TMEM135: variants seen among roughly 807,000 people sequenced by gnomAD.
The protein encoded by TMEM135 is peroxisomal membrane protein 52.
TMEM135 carries 30 observed loss-of-function variants against 60.3 expected under a neutral mutation model. That is an observed-to-expected ratio of 0.50 (90% CI 0.37 to 0.68). The LOEUF is 0.68. Ranked by LOEUF, TMEM135 falls within the 30% of genes least tolerant of loss-of-function variation. The pLI, the probability that TMEM135 is intolerant of heterozygous loss-of-function variation, is 0.00. For missense variants in TMEM135, 468 were observed against 548.8 expected (o/e 0.85, Z 1.47); for synonymous variants, 190 against 186.7 (o/e 1.02, Z -0.14).
At chr11:87,233,355 C>G (rs989884565) in intron 5 of TMEM135, among the ~76,000 whole-genome samples, 2 of 151,956 alleles carry the variant, frequency 1.3e-5, no homozygotes, top group Non-Finnish European at 2.9e-5. Context: ...AAGCAGGAAA[C>G]TATTATATGC....
At chr11:87,284,804 C>T in intron 6 of TMEM135, among the ~76,000 whole-genome samples, 1 of 152,268 alleles carries the variant, frequency 6.6e-6, no homozygotes, top group East Asian at 1.9e-4. Flanking sequence ...ATTTCAAGTT[C>T]AGATATTTGT....
intron 1 of TMEM135, among the ~76,000 whole-genome samples, chr11:87,057,122 G>A (rs1024511311): frequency 1.3e-4 from 20 of 152,092 alleles, no homozygotes; most frequent in African/African-American, 1.7e-4. Flanking sequence ...TATAATATAC[G>A]CAGGACTCAG....
At chr11:87,122,310 T>G (rs1196583925) in intron 4 of TMEM135, among the ~76,000 whole-genome samples, 4 of 40,494 alleles carry the variant, frequency 9.9e-5, no homozygotes, top group African/African-American at 4.3e-4. Flanking sequence ...TTTTGCTAGG[T>G]TTTTTTTTTT....
At chr11:87,134,539 A>G (rs1303269079) in intron 4 of TMEM135, among the ~76,000 whole-genome samples, 1 of 152,162 alleles carries the variant, frequency 6.6e-6, no homozygotes, top group Non-Finnish European at 1.5e-5. Context: ...CTGGAGTGCA[A>G]TAGCATTATC....
intron 6 of TMEM135, among the ~76,000 whole-genome samples, chr11:87,237,569 A>G (rs1941027305): frequency 6.6e-6 from 1 of 151,964 alleles, no homozygotes; most frequent in African/African-American, 2.4e-5. Flanking sequence ...AATTTTTAAA[A>G]AAATTTTTAT....
At chr11:87,237,195 G>A (rs1026341512) in intron 6 of TMEM135, among the ~76,000 whole-genome samples, 9 of 151,940 alleles carry the variant, frequency 5.9e-5, no homozygotes, top group Non-Finnish European at 7.4e-5. Context: ...GTTTGTTGGG[G>A]GCTAAGGGGA....
At chr11:87,282,245 G>A (rs1013695278) in intron 6 of TMEM135, among the ~76,000 whole-genome samples, 2 of 147,846 alleles carry the variant, frequency 1.4e-5, no homozygotes, top group African/African-American at 4.9e-5. Context: ...GTGAGCAACT[G>A]GACATTGGTT....
intron 4 of TMEM135, among the ~76,000 whole-genome samples, chr11:87,155,099 A>G (rs1334072930): frequency 6.6e-6 from 1 of 150,944 alleles, no homozygotes; most frequent in Non-Finnish European, 1.5e-5. Context: ...CCCAAGTTCA[A>G]GTTATTCTCC....
At chr11:87,101,974 G>A (rs1857468122) in intron 4 of TMEM135, among the ~76,000 whole-genome samples, 1 of 152,054 alleles carries the variant, frequency 6.6e-6, no homozygotes, top group East Asian at 1.9e-4. Flanking sequence ...ACTCCGTCTC[G>A]GGGAAAAAAA....
intron 1 of TMEM135, among the ~76,000 whole-genome samples, chr11:87,054,532 A>T (rs1343919127): frequency 6.6e-6 from 1 of 152,240 alleles, no homozygotes; most frequent in Non-Finnish European, 1.5e-5. Context: ...TAAATCAAGT[A>T]TCATCAGATT....
chr11:87,090,711 A>C (rs563472431), intron 3 of TMEM135, among the ~76,000 whole-genome samples: 2 of 152,202 alleles, frequency 1.3e-5, no homozygotes, highest in South Asian at 4.1e-4. Context: ...GGCAGAAAAA[A>C]GTTGTTATGT....
intron 5 of TMEM135, among the ~76,000 whole-genome samples, chr11:87,163,545 A>C (rs1938951423): frequency 6.6e-6 from 1 of 152,102 alleles, no homozygotes; most frequent in African/African-American, 2.4e-5. Flanking sequence ...TCCTTTGGGT[A>C]TGTACCCAGT....
At chr11:87,098,658 ATTAT>A (rs905942108) in intron 4 of TMEM135, among the ~76,000 whole-genome samples, 6 of 152,020 alleles carry the variant, frequency 3.9e-5, no homozygotes, top group African/African-American at 1.4e-4. Flanking sequence ...TTGGTTATAG[ATTAT>A]TTATATTGTA....
intron 10 of TMEM135, among the ~76,000 whole-genome samples, chr11:87,310,229 A>G (rs1242938215): frequency 6.6e-6 from 1 of 152,136 alleles, no homozygotes; most frequent in Non-Finnish European, 1.5e-5. Flanking sequence ...GTATGTTCCT[A>G]TAAAAGTGTC....
intron 6 of TMEM135, among the ~76,000 whole-genome samples, chr11:87,274,778 T>C (rs10792931): frequency 0.4 from 54,971 of 136,804 alleles, 10,789 homozygotes; most frequent in Non-Finnish European, 0.47. Context: ...CTGGGCAACA[T>C]AGCAAGACTG....
chr11:87,054,258 A>T (rs1044935792), intron 1 of TMEM135, among the ~76,000 whole-genome samples: 1 of 152,086 alleles, frequency 6.6e-6, no homozygotes, highest in Non-Finnish European at 1.5e-5. Context: ...AACATGGTGA[A>T]ACCCCATCTT....
At chr11:87,273,666 AAG>A (rs1315337660) in intron 6 of TMEM135, among the ~76,000 whole-genome samples, 5 of 152,188 alleles carry the variant, frequency 3.3e-5, no homozygotes, top group African/African-American at 1.2e-4. Context: ...ACCCAAGGGA[AAG>A]AGAGAAAGGA....
chr11:87,087,165 G>A (rs1443448252), intron 3 of TMEM135, among the ~76,000 whole-genome samples: 1 of 152,062 alleles, frequency 6.6e-6, no homozygotes, highest in African/African-American at 2.4e-5. Flanking sequence ...AACAAAACAT[G>A]GGGGTAAGAA....
intron 5 of TMEM135, among the ~76,000 whole-genome samples, chr11:87,202,313 G>A (rs563390717): frequency 5.3e-5 from 8 of 152,092 alleles, no homozygotes; most frequent in Admixed American, 2.0e-4. Flanking sequence ...GGCGTAAGCC[G>A]CCATGCCCAG....
Sources: gnomAD v4.1 joint callset for allele counts (sites outside exome capture counted in the v4.1 genomes callset) on GRCh38, gnomAD v4.1.1 for gene constraint, MANE v1.5 for transcripts, NCBI Gene and HGNC (gene_info 2026-07-23, HGNC 2026-07-21) for gene names.